The following DAB1 variants were observed in gnomAD, a reference collection of about 807,000 sequenced individuals.
DAB1 encodes disabled homolog 1.
A neutral mutation model predicts 64.6 loss-of-function variants in DAB1; 15 were observed. The observed-to-expected ratio is 0.23, with a 90% CI of 0.16 to 0.36. The LOEUF (loss-of-function observed/expected upper bound fraction) is 0.36. Among genes scored for constraint, DAB1 ranks in the 10% least tolerant of loss-of-function variants. The probability of loss-of-function intolerance (pLI) is 1.00; values close to 1 mark genes in which losing one functional copy is unlikely to be tolerated. For missense variants in DAB1, 596 were observed against 706.7 expected, an observed-to-expected ratio of 0.84 and a Z score of 1.78; for synonymous variants, 235 against 251.9, an observed-to-expected ratio of 0.93 and a Z score of 0.64.
intron 3 of DAB1, among the ~76,000 whole-genome samples, chr1:58,358,981 A>G (rs1162687486): frequency 3.7e-5 from 2 of 53,758 alleles, no homozygotes; most frequent in African/African-American, 1.5e-4. Flanking sequence ...CACACACTCA[A>G]AGGATGCTGG....
chr1:57,813,536 G>A (rs764535456), intron 6 of DAB1, among the ~76,000 whole-genome samples: 10 of 152,186 alleles, frequency 6.6e-5, no homozygotes, highest in African/African-American at 9.7e-5. Flanking sequence ...CTCACAATGC[G>A]GTAAGTGCTT....
chr1:57,458,299 C>T (rs1686670682), intron 7 of DAB1, among the ~76,000 whole-genome samples: 1 of 152,024 alleles, frequency 6.6e-6, no homozygotes. Context: ...TTTGCTGTTG[C>T]TCATTTAAAT....
At chr1:57,913,253 C>T (rs370630846) in intron 5 of DAB1, among the ~76,000 whole-genome samples, 9 of 152,026 alleles carry the variant, frequency 5.9e-5, no homozygotes, top group South Asian at 2.1e-4. Flanking sequence ...CAGATATAGA[C>T]CAATGGAACA....
intron 3 of DAB1, among the ~76,000 whole-genome samples, chr1:58,345,473 T>C (rs1643985864): frequency 2.0e-5 from 3 of 152,228 alleles, no homozygotes; most frequent in Non-Finnish European, 4.4e-5. Context: ...AGTAACAAAT[T>C]CAGCAGGGAT....
At chr1:58,021,447 G>A (rs1557613106) in intron 5 of DAB1, among the ~76,000 whole-genome samples, 1 of 152,158 alleles carries the variant, frequency 6.6e-6, no homozygotes, top group African/African-American at 2.4e-5. Context: ...AATTCACATG[G>A]CTAGCAAATG....
At chr1:57,678,761 G>GTTTTTTTTTTTTTTTTTTTT (rs143885937) in intron 6 of DAB1, among the ~76,000 whole-genome samples, 1 of 135,808 alleles carries the variant, frequency 7.4e-6, no homozygotes, top group African/African-American at 2.8e-5. Flanking sequence ...TGAGGCAACT[G>GTTTTTTTTTTTTTTTTTTTT]TTTTTTGTTT....
chr1:57,446,957 G>C (rs1686164474), intron 7 of DAB1, among the ~76,000 whole-genome samples: 1 of 152,066 alleles, frequency 6.6e-6, no homozygotes, highest in African/African-American at 2.4e-5. Flanking sequence ...TGAACAACTA[G>C]TTCTGGTTTT....
chr1:58,462,508 A>C (rs1157350594), intron 3 of DAB1: 1 of 152,214 alleles, frequency 6.6e-6, no homozygotes, highest in African/African-American at 2.4e-5. Flanking sequence ...AGCTGTTCTC[A>C]AAACTTCAAG....
chr1:57,643,829 A>C (rs577397324), intron 7 of DAB1, among the ~76,000 whole-genome samples: 3 of 152,324 alleles, frequency 2.0e-5, no homozygotes, highest in East Asian at 1.9e-4. Context: ...GTCGGATTCA[A>C]GTTTGAAGGA....
At chr1:57,231,087 G>T (rs1336250337) in intron 2 of DAB1, among the ~76,000 whole-genome samples, 1 of 152,098 alleles carries the variant, frequency 6.6e-6, no homozygotes, top group Non-Finnish European at 1.5e-5. Context: ...AGGCAACCTT[G>T]TTGCTATTTT....
intron 5 of DAB1, among the ~76,000 whole-genome samples, chr1:58,035,699 A>T (rs1444145003): frequency 6.6e-6 from 1 of 152,240 alleles, no homozygotes; most frequent in East Asian, 1.9e-4. Context: ...GTAGTCTAAG[A>T]GAATGGCTCC....
chr1:57,936,817 T>G (rs1386071264), intron 5 of DAB1, among the ~76,000 whole-genome samples: 1 of 152,228 alleles, frequency 6.6e-6, no homozygotes, highest in East Asian at 1.9e-4. Context: ...ATACAAACTT[T>G]CTGTGAGGGC....
intron 4 of DAB1, among the ~76,000 whole-genome samples, chr1:58,237,190 A>G (rs1258311482): frequency 3.3e-5 from 5 of 152,234 alleles, no homozygotes; most frequent in Non-Finnish European, 5.9e-5. Context: ...CCTTGCACAC[A>G]GTAGGGGTTC....
chr1:57,410,267 A>G (rs1404461403), intron 1 of DAB1, among the ~76,000 whole-genome samples: 1 of 152,218 alleles, frequency 6.6e-6, no homozygotes, highest in Admixed American at 6.5e-5. Context: ...GTAAAAAAAG[A>G]AAAAAACAAA....
intron 6 of DAB1, among the ~76,000 whole-genome samples, chr1:57,737,583 C>A (rs904773898): frequency 1.3e-5 from 2 of 152,194 alleles, no homozygotes; most frequent in African/African-American, 4.8e-5. Context: ...TTAAGCATCA[C>A]CTCGTATTAT....
intron 6 of DAB1, among the ~76,000 whole-genome samples, chr1:57,727,256 A>G (rs1557445739): frequency 6.6e-6 from 1 of 152,214 alleles, no homozygotes; most frequent in Non-Finnish European, 1.5e-5. Flanking sequence ...GGGCACTGCT[A>G]TTTTCAAGAG....
At chr1:57,181,786 C>T (rs1236545567) in intron 2 of DAB1, among the ~76,000 whole-genome samples, 1 of 152,224 alleles carries the variant, frequency 6.6e-6, no homozygotes, top group African/African-American at 2.4e-5. Flanking sequence ...AAGCCCCTTC[C>T]TAGCTGTGGA....
In DAB1 at chr1:57,474,672, A is replaced by G. The variant is rs540734123; in HGVS notation, n.625+174920T>C. 2.6e-4 allele frequency among the ~76,000 whole-genome samples: 40 copies of G among 152,316 alleles called. 1 individual carries two copies. The South Asian group carries it at 7.9e-3, about 30-fold the overall frequency. On this transcript the variant is annotated intron_variant and non_coding_transcript_variant, in intron 7 of 20. Coordinates refer to the DAB1 transcript ENST00000485760. ...TATTATGTTTATAAAGAAATTTCAC[A>G]GTTGGGCTAAAGAGGAGCACTCCTC...
At chr1:58,345,975 C>T (rs11581144) in intron 3 of DAB1, among the ~76,000 whole-genome samples, 28,245 of 152,106 alleles carry the variant, frequency 0.19, 2,787 homozygotes, top group South Asian at 0.26. Context: ...CCTGCCTCAG[C>T]TCAGAGTGAG....
Sources: gnomAD v4.1 joint callset for allele counts (sites outside exome capture counted in the v4.1 genomes callset) on GRCh38, gnomAD v4.1.1 for gene constraint, MANE v1.5 for transcripts, NCBI Gene and HGNC (gene_info 2026-07-23, HGNC 2026-07-21) for gene names.